ATP11C: variants seen among roughly 807,000 people sequenced by gnomAD.
The protein encoded by ATP11C is ATPase phospholipid transporting 11C (ATP11C blood group), also known as phospholipid-transporting ATPase IG.
A neutral mutation model predicts 97.4 loss-of-function variants in ATP11C; 36 were observed. The ratio of observed to expected loss-of-function variants is 0.37; its 90% CI spans 0.28 to 0.49. The LOEUF is 0.49. Among genes scored for constraint, ATP11C ranks in the 20% least tolerant of loss-of-function variants. The pLI is 0.98. For missense variants in ATP11C, 730 were observed against 824.6 expected (o/e 0.89, Z 1.40); for synonymous variants, 275 against 290.9 (o/e 0.95, Z 0.56).
Position 139,761,088 on chromosome X carries a change from G to A in ATP11C, c.2640+873C>T, listed in dbSNP as rs113526850. On this transcript the variant is annotated intron_variant, in intron 22 of 29. Transcript: ENST00000682941. ...CACTTGAGGTCAGGAGTTTGAGGCC[G>A]GCCTGGCCAACATGGTGAAACCCTG... Among the ~76,000 whole-genome samples, 414 of 110,203 alleles carry A rather than the reference G, an allele frequency of 3.8e-3. 2 individuals are homozygous for A. Among genetic ancestry groups the A allele is most frequent in the African/African-American group, 0.012 (360 of 30,390 alleles).
intron 1 of ATP11C, among the ~76,000 whole-genome samples, chrX:139,884,421 C>T (rs373063510): frequency 1.8e-5 from 2 of 112,083 alleles, no homozygotes; most frequent in Non-Finnish European, 3.8e-5. Flanking sequence ...AAAATAAAAA[C>T]GGCATCTCCA....
At chrX:139,802,802 T>C (rs904300343) in intron 6 of ATP11C, among the ~76,000 whole-genome samples, 2 of 111,784 alleles carry the variant, frequency 1.8e-5, no homozygotes, top group Non-Finnish European at 3.8e-5. Context: ...AAGAAAAAAA[T>C]CATTAATAGT....
chrX:139,898,121 G>A (rs2084840492), intron 1 of ATP11C, among the ~76,000 whole-genome samples: 1 of 111,006 alleles, frequency 9.0e-6, no homozygotes, highest in African/African-American at 3.3e-5. Context: ...ATGATTTCTA[G>A]GAATGAACCT....
At chrX:139,929,492 G>T (rs1274504723) in intron 1 of ATP11C, among the ~76,000 whole-genome samples, 2 of 111,798 alleles carry the variant, frequency 1.8e-5, no homozygotes, top group African/African-American at 3.3e-5. Context: ...GATGATGCTT[G>T]TAAGAATCCT....
Position 139,814,329 on chromosome X carries a change from AGTGG to A in ATP11C, c.426+545_426+548del, listed in dbSNP as rs771989982. Among the ~76,000 whole-genome samples the A allele has an allele frequency of 2.4e-3, 269 of 111,601 alleles. 1 individual carries two copies. The highest frequency in any genetic ancestry group is 8.3e-3 in the African/African-American group (257 of 30,825). Reference sequence around the variant, plus strand: ...GTACAGGCACTATGGAAAATAGTTTAGTGGTTCATTAAAAAGTTAAACACGTAAT... The same window carrying A: ...GTACAGGCACTATGGAAAATAGTTTATTCATTAAAAAGTTAAACACGTAAT... On this transcript the variant is annotated intron_variant, in intron 5 of 29. Transcript: ENST00000682941.
At chrX:139,929,634 C>T (rs1157153038) in intron 1 of ATP11C, among the ~76,000 whole-genome samples, 1 of 111,419 alleles carries the variant, frequency 9.0e-6, no homozygotes. Context: ...ATATCAGACA[C>T]GTACAGGTAC....
chrX:139,776,923 T>C (rs140225433), intron 18 of ATP11C, among the ~76,000 whole-genome samples: 3 of 111,239 alleles, frequency 2.7e-5, no homozygotes, highest in Non-Finnish European at 5.7e-5. Flanking sequence ...GGAAACCATA[T>C]AGAGCCTTGC....
At chrX:139,753,445 C>A (rs1030025844) in intron 23 of ATP11C, among the ~76,000 whole-genome samples, 1 of 111,189 alleles carries the variant, frequency 9.0e-6, no homozygotes, top group Non-Finnish European at 1.9e-5. Flanking sequence ...TACAACATAC[C>A]AGAATCTCTG....
chrX:139,830,941 A>C (rs866351497), intron 1 of ATP11C, among the ~76,000 whole-genome samples: 11 of 111,379 alleles, frequency 9.9e-5, no homozygotes, highest in African/African-American at 2.6e-4. Flanking sequence ...AGATCACTAC[A>C]GTGCCAGGAA....
chrX:139,814,875 T>C lies in ATP11C; in HGVS notation c.426+3A>G, dbSNP rs746558005. On this transcript the variant is annotated splice_donor_region_variant and intron_variant, in intron 5 of 29. Transcript: ENST00000682941. ...AAAAAAGGAGTGGACTAAGAAAAAA[T>C]ACCTTGATTTTTTCACTTTCTTTTC... 8.8e-7 allele frequency: 1 copy of C among 1,131,870 alleles called. No individual in the cohort carries two copies. The highest frequency in any genetic ancestry group is 1.2e-6 in the Non-Finnish European group (1 of 843,353). The allele number at this position is 1,131,870 out of a possible 1,213,427, so 93.3% of individuals were successfully genotyped here.
intron 5 of ATP11C, among the ~76,000 whole-genome samples, chrX:139,806,184 G>A (rs1000318148): frequency 1.8e-5 from 2 of 111,612 alleles, no homozygotes; most frequent in Admixed American, 1.9e-4. Context: ...AGATGGGTAT[G>A]AGTCAGATCA....
chrX:139,762,321 A>ATGT (rs2082053918), intron 21 of ATP11C, among the ~76,000 whole-genome samples: 1 of 112,467 alleles, frequency 8.9e-6, no homozygotes, highest in Non-Finnish European at 1.9e-5. Flanking sequence ...GTAATACAGT[A>ATGT]TACAACAATT....
intron 1 of ATP11C, among the ~76,000 whole-genome samples, chrX:139,884,975 T>C (rs1836267334): frequency 8.9e-6 from 1 of 111,764 alleles, no homozygotes; most frequent in Non-Finnish European, 1.9e-5. Flanking sequence ...TTTCAAATTT[T>C]TAAAACATGA....
At chrX:139,862,539 T>A (rs2084217821) in intron 1 of ATP11C, among the ~76,000 whole-genome samples, 1 of 111,875 alleles carries the variant, frequency 8.9e-6, no homozygotes, top group South Asian at 3.8e-4. Flanking sequence ...TCCCCACATT[T>A]TGTCACGGAA....
At chrX:139,826,486 C>T (rs779465226) in intron 2 of ATP11C, among the ~76,000 whole-genome samples, 183 of 111,040 alleles carry the variant, frequency 1.6e-3, no homozygotes, top group Non-Finnish European at 2.4e-3. Flanking sequence ...TGAATCATAA[C>T]GGAAGGCAAG....
At chrX:139,901,593 G>A (rs2084901120) in intron 1 of ATP11C, among the ~76,000 whole-genome samples, 1 of 111,394 alleles carries the variant, frequency 9.0e-6, no homozygotes, top group Admixed American at 9.6e-5. Flanking sequence ...AATAAACACT[G>A]ACTCTGGAGT....
At chrX:139,855,926 A>G (rs1006861516) in intron 1 of ATP11C, among the ~76,000 whole-genome samples, 3 of 112,123 alleles carry the variant, frequency 2.7e-5, no homozygotes, top group Non-Finnish European at 3.8e-5. Context: ...GTGGACCACT[A>G]AAGAGCAAGG....
At chrX:139,779,550 C>T (rs1394098753) in intron 18 of ATP11C, among the ~76,000 whole-genome samples, 1 of 111,655 alleles carries the variant, frequency 9.0e-6, no homozygotes, top group African/African-American at 3.3e-5. Flanking sequence ...AAAATAGAGA[C>T]ACAATATACC....
rs2081271097 is a variant in ATP11C at position 139,727,491 on chromosome X, G to A, written c.*1475C>T. 1 of 111,122 alleles carries A rather than the reference G, an allele frequency of 9.0e-6. No homozygotes were observed. The allele number at this position is 111,122 out of a possible 1,213,427, so 9.2% of individuals were successfully genotyped here. ...AATGGCTTCTGATAACTGAAATTAT[G>A]TTCTTTTCTAGAATTTAGAAAAAAA... On this transcript the variant is annotated 3_prime_UTR_variant, in exon 30 of 30. Coordinates refer to ENST00000682941, the MANE Select transcript of ATP11C (RefSeq NM_001353812.2).
Sources: gnomAD v4.1 joint callset for allele counts (sites outside exome capture counted in the v4.1 genomes callset) on GRCh38, gnomAD v4.1.1 for gene constraint, MANE v1.5 for transcripts, NCBI Gene and HGNC (gene_info 2026-07-23, HGNC 2026-07-21) for gene names.